The following LRRC37A2 variants were observed in gnomAD, a reference collection of about 807,000 sequenced individuals.
The protein encoded by LRRC37A2 is leucine-rich repeat-containing protein 37A2.
In LRRC37A2, 9 loss-of-function variants were observed where a neutral mutation model predicts 68.8. That is an observed-to-expected ratio of 0.13 (90% CI 0.08 to 0.23). The LOEUF (loss-of-function observed/expected upper bound fraction) is 0.23. Ranked by LOEUF, LRRC37A2 falls within the 10% of genes least tolerant of loss-of-function variation. The pLI, the probability that LRRC37A2 is intolerant of heterozygous loss-of-function variation, is 1.00. For synonymous variants in LRRC37A2, 63 were observed against 367.6 expected (o/e 0.17, Z 9.48); for missense variants, 168 against 950.4 (o/e 0.18, Z 10.82).
At chr17:46,852,626 C>T in the LRRC37A2 span, among the ~76,000 whole-genome samples, 35 of 151,806 alleles carry the variant, frequency 2.3e-4, no homozygotes, top group Non-Finnish European at 4.1e-4. Context: ...GGGATGGGGG[C>T]GGGTATCATG....
At chr17:46,923,105 C>G in the LRRC37A2 span, 1 of 938,000 alleles carries the variant, frequency 1.1e-6, no homozygotes, top group Non-Finnish European at 1.7e-6. Flanking sequence ...GAGGGTCCTG[C>G]GACCGGAAGC....
chr17:46,961,979 CA>C, the LRRC37A2 span, among the ~76,000 whole-genome samples: 1 of 151,938 alleles, frequency 6.6e-6, no homozygotes, highest in Non-Finnish European at 1.5e-5. Context: ...TGTGCAAATC[CA>C]AAAACATGAT....
At chr17:46,943,828 A>G in the LRRC37A2 span, among the ~76,000 whole-genome samples, 4 of 152,372 alleles carry the variant, frequency 2.6e-5, no homozygotes, top group Admixed American at 2.6e-4. Flanking sequence ...ACTGTCACTC[A>G]GGACTGGGGA....
chr17:46,996,722 T>C, the LRRC37A2 span, among the ~76,000 whole-genome samples: 6 of 152,356 alleles, frequency 3.9e-5, no homozygotes, highest in African/African-American at 1.4e-4. Flanking sequence ...CATAGGTCAC[T>C]GCAGCCTCAA....
chr17:46,847,659 G>A, the LRRC37A2 span, among the ~76,000 whole-genome samples: 2 of 152,178 alleles, frequency 1.3e-5, no homozygotes, highest in East Asian at 3.9e-4. Context: ...GTCAGCATGG[G>A]CACCTTCCCT....
chr17:46,956,716 G>C, the LRRC37A2 span, among the ~76,000 whole-genome samples: 3 of 152,216 alleles, frequency 2.0e-5, no homozygotes, highest in African/African-American at 7.2e-5. Context: ...TGTGTCTACT[G>C]TCTCGTGGCT....
At chr17:46,818,733 G>A in the LRRC37A2 span, 3 of 875,682 alleles carry the variant, frequency 3.4e-6, no homozygotes, top group Admixed American at 2.1e-5. Context: ...ACCCGCAGCC[G>A]CCCCCCTCCC....
chr17:46,622,372 G>A, the LRRC37A2 span, among the ~76,000 whole-genome samples: 8 of 150,156 alleles, frequency 5.3e-5, no homozygotes, highest in East Asian at 3.9e-4. Context: ...GCAGGAGAAT[G>A]GCGTGAACCC....
chr17:46,814,373 C>T, the LRRC37A2 span, among the ~76,000 whole-genome samples: 10 of 152,226 alleles, frequency 6.6e-5, no homozygotes, highest in Non-Finnish European at 1.0e-4. Context: ...GTGATCCTAT[C>T]GGAAGAATAC....
the LRRC37A2 span, among the ~76,000 whole-genome samples, chr17:46,808,223 A>C: frequency 6.6e-6 from 1 of 152,232 alleles, no homozygotes; most frequent in East Asian, 1.9e-4. Flanking sequence ...CAAAATCCTC[A>C]CATGGCCACT....
the LRRC37A2 span, among the ~76,000 whole-genome samples, chr17:46,490,136 A>G: frequency 1.3e-5 from 2 of 151,226 alleles, no homozygotes; most frequent in African/African-American, 4.9e-5. Context: ...GGGATTGGCA[A>G]ACTTGTTCTT....
At chr17:46,812,327 C>T in the LRRC37A2 span, among the ~76,000 whole-genome samples, 2 of 152,154 alleles carry the variant, frequency 1.3e-5, no homozygotes, top group African/African-American at 4.8e-5. Context: ...CACATACCTC[C>T]ACCCCCCTAC....
At chr17:46,679,311 G>A in the LRRC37A2 span, among the ~76,000 whole-genome samples, 1 of 141,036 alleles carries the variant, frequency 7.1e-6, no homozygotes, top group Non-Finnish European at 1.5e-5. Context: ...TTCTCTATGT[G>A]TGATGTATTT....
chr17:46,753,268 G>C, the LRRC37A2 span, among the ~76,000 whole-genome samples: 1 of 152,218 alleles, frequency 6.6e-6, no homozygotes, highest in African/African-American at 2.4e-5. Context: ...CGGCAGAGGT[G>C]AAGTTTCTGT....
the LRRC37A2 span, among the ~76,000 whole-genome samples, chr17:46,864,475 C>A: frequency 1.3e-5 from 2 of 152,242 alleles, no homozygotes; most frequent in East Asian, 1.9e-4. Flanking sequence ...CTTCTGTAAG[C>A]CTGATTCCTG....
the LRRC37A2 span, among the ~76,000 whole-genome samples, chr17:46,727,221 G>A: frequency 1.3e-5 from 2 of 152,158 alleles, no homozygotes; most frequent in Admixed American, 6.5e-5. Flanking sequence ...CTGTGTTGAA[G>A]TGCACTCCTA....
At chr17:46,978,833 C>T in the LRRC37A2 span, 10 of 1,604,812 alleles carry the variant, frequency 6.2e-6, no homozygotes, top group South Asian at 1.1e-5. Flanking sequence ...AGGCTGCGCT[C>T]GTCGGGCGCC....
the LRRC37A2 span, among the ~76,000 whole-genome samples, chr17:46,752,930 G>C: frequency 1.1e-4 from 17 of 151,998 alleles, no homozygotes; most frequent in African/African-American, 4.1e-4. Context: ...ACCATGCCTG[G>C]CTAATTTTTT....
chr17:46,810,836 G>A, the LRRC37A2 span, among the ~76,000 whole-genome samples: 1 of 152,118 alleles, frequency 6.6e-6, no homozygotes, highest in Non-Finnish European at 1.5e-5. Flanking sequence ...GAACAGTTCA[G>A]GAAGTTGCCT....
Sources: gnomAD v4.1 joint callset for allele counts (sites outside exome capture counted in the v4.1 genomes callset) on GRCh38, gnomAD v4.1.1 for gene constraint, MANE v1.5 for transcripts, NCBI Gene and HGNC (gene_info 2026-07-23, HGNC 2026-07-21) for gene names.